The following RBM20 variants were observed in gnomAD, a reference collection of about 807,000 sequenced individuals.
RBM20 encodes RNA binding motif protein 20.
Under a neutral mutation model 110.1 loss-of-function variants are expected in RBM20, and 51 were observed. The observed-to-expected ratio is 0.46, with a 90% CI of 0.37 to 0.59. The LOEUF is 0.59. Among genes scored for constraint, RBM20 ranks in the 20% least tolerant of loss-of-function variants. RBM20 has a pLI of 0.00. For synonymous variants in RBM20, 589 were observed against 618.2 expected, an observed-to-expected ratio of 0.95 and a Z score of 0.70; for missense variants, 1,512 against 1,574.9, an observed-to-expected ratio of 0.96 and a Z score of 0.68.
intron 1 of RBM20, among the ~76,000 whole-genome samples, chr10:110,664,729 A>G (rs1053763996): frequency 2.0e-5 from 3 of 152,202 alleles, no homozygotes; most frequent in Non-Finnish European, 2.9e-5. Context: ...CCTGGGCAAC[A>G]GAGTGAGACT....
At chr10:110,812,130 A>C in intron 8 of RBM20, 148 bp from the exon 9 acceptor site, 1 of 755,502 alleles carries the variant, frequency 1.3e-6, no homozygotes, top group South Asian at 1.9e-5. Context: ...CTCCTGAACC[A>C]CTCTGTGTGG....
At chr10:110,797,782 C>A in intron 6 of RBM20, 134 bp downstream of exon 6, 1 of 922,208 alleles carries the variant, frequency 1.1e-6, no homozygotes, top group Non-Finnish European at 1.6e-6. Context: ...GTTGGCATGG[C>A]GTAGGTGTTT....
chr10:110,760,903 A>G (rs1485989269), intron 1 of RBM20, among the ~76,000 whole-genome samples: 1 of 150,692 alleles, frequency 6.6e-6, no homozygotes, highest in Non-Finnish European at 1.5e-5. Flanking sequence ...ACCAGCCTGG[A>G]CAATATGGTG....
At chr10:110,694,492 C>T (rs2134881616) in intron 1 of RBM20, among the ~76,000 whole-genome samples, 1 of 152,270 alleles carries the variant, frequency 6.6e-6, no homozygotes, top group Non-Finnish European at 1.5e-5. Flanking sequence ...CCTTGGAAAC[C>T]TTCCAGAATT....
At chr10:110,830,304 G>A (rs1013775973) in intron 12 of RBM20, among the ~76,000 whole-genome samples, 2 of 152,164 alleles carry the variant, frequency 1.3e-5, no homozygotes, top group Non-Finnish European at 1.5e-5. Context: ...CCTCTCTGGC[G>A]GTGGTGCCAG....
chr10:110,767,907 G>A (rs1016237647), intron 1 of RBM20, among the ~76,000 whole-genome samples: 1 of 152,250 alleles, frequency 6.6e-6, no homozygotes, highest in African/African-American at 2.4e-5. Context: ...GTAGCCAGCC[G>A]AGATCACGCC....
At chr10:110,675,484 T>C (rs1862326598) in intron 1 of RBM20, among the ~76,000 whole-genome samples, 1 of 152,192 alleles carries the variant, frequency 6.6e-6, no homozygotes, top group African/African-American at 2.4e-5. Context: ...ATGGAACAGA[T>C]AACAATTGTT....
At chr10:110,835,765 C>A in intron 13 of RBM20, 103 bp from the exon 14 acceptor site, 1 of 1,210,560 alleles carries the variant, frequency 8.3e-7, no homozygotes, top group Non-Finnish European at 1.2e-6. Flanking sequence ...CAGCTGGGCA[C>A]AGATGCCAGG....
At chr10:110,753,326 T>A (rs1843882855) in intron 1 of RBM20, among the ~76,000 whole-genome samples, 1 of 152,198 alleles carries the variant, frequency 6.6e-6, no homozygotes, top group South Asian at 2.1e-4. Flanking sequence ...TAAAAATGTT[T>A]AACCACTCCC....
In RBM20 at chr10:110,812,845, G is replaced by C. The variant is rs1284670947; in HGVS notation, c.2448G>C (p.Glu816Asp). The C allele has an allele frequency of 2.0e-6, 3 of 1,525,668 alleles. No individual in the cohort carries two copies. The highest frequency in any genetic ancestry group is 2.6e-6 in the Non-Finnish European group (3 of 1,134,972). The allele number at this position is 1,525,668 out of a possible 1,614,324, so 94.5% of individuals were successfully genotyped here. A position where few individuals can be genotyped will look rare whatever the true frequency, so the allele number is the denominator to read the frequency against. Residue 816 changes from glutamate to aspartate, a missense_variant, in exon 9 of 14, where the codon GAG becomes GAC. Physicochemically the swap from Glu to Asp is conservative, Grantham distance 45. Around this residue, in one of 3 missense-constraint regions of RBM20, gnomAD observed 1,149 missense variants for 1,169.4 expected, o/e 0.98. Transcript: ENST00000369519. ...GLGPKVTRAP[E>D]GAKAKQNEKN... ...GGCCAAAGGTCACTAGGGCCCCTGA[G>C]GGCGCCAAGGCCAAGCAGAATGAGA...
intron 5 of RBM20, among the ~76,000 whole-genome samples, chr10:110,797,135 T>TA (rs1316768751): frequency 6.6e-6 from 1 of 152,134 alleles, no homozygotes; most frequent in Non-Finnish European, 1.5e-5. Flanking sequence ...TTACTGCTTA[T>TA]AAAAAACATT....
chr10:110,664,528 C>T (rs1031400547), intron 1 of RBM20, among the ~76,000 whole-genome samples: 1 of 152,124 alleles, frequency 6.6e-6, no homozygotes, highest in Non-Finnish European at 1.5e-5. Context: ...GGAGGAATCA[C>T]CTGAGGTCAG....
At chr10:110,767,727 G>A (rs559475790) in intron 1 of RBM20, among the ~76,000 whole-genome samples, 2 of 151,522 alleles carry the variant, frequency 1.3e-5, no homozygotes, top group South Asian at 4.2e-4. Flanking sequence ...CATCTCAGAC[G>A]ATGGGCGGCC....
Position 110,836,792 on chromosome 10 carries a change from G to A in RBM20, c.*814G>A, listed in dbSNP as rs868062268. 3 of 152,110 alleles carry A rather than the reference G, an allele frequency of 2.0e-5. No homozygotes were observed. Among genetic ancestry groups the A allele is most frequent in the Non-Finnish European group, 4.4e-5 (3 of 68,028 alleles). The allele number at this position is 152,110 out of a possible 1,614,324, so 9.4% of individuals were successfully genotyped here. On this transcript the variant is annotated 3_prime_UTR_variant, in exon 14 of 14. Coordinates refer to ENST00000369519, the MANE Select transcript of RBM20 (RefSeq NM_001134363.3). ...GAGATGTCAGGGTTTTTCTATTCTG[G>A]ACAATGAATTTGGTACAGAGTCACT...
In RBM20 at chr10:110,821,719, A is replaced by G. The variant is rs1223786058; in HGVS notation, c.3100A>G (p.Ser1034Gly). Residue 1034 changes from serine to glycine, a missense_variant, in exon 11 of 14, where the codon AGC becomes GGC. Around this residue, in one of 3 missense-constraint regions of RBM20, gnomAD observed 358 missense variants for 384.2 expected, o/e 0.93. Transcript: ENST00000369519. ...CGAGAAGGAGGCAAAGGGAGTGGAG[A>G]GCTCAGATGTTCATCCAGCCCCTAC... is the stretch of plus-strand genomic sequence containing the variant. The part of the protein sequence containing the change: ...CYEKEAKGVE[S>G]SDVHPAPTVQ... 1 of 1,551,726 alleles carries G rather than the reference A, an allele frequency of 6.4e-7. No homozygotes were observed. Among genetic ancestry groups the G allele is most frequent in the Non-Finnish European group, 8.7e-7 (1 of 1,146,996 alleles).
In RBM20 at chr10:110,764,561, C is replaced by T. The variant is rs192669835; in HGVS notation, c.192-16240C>T. Among the ~76,000 whole-genome samples, 527 of 152,358 alleles carry T rather than the reference C, an allele frequency of 3.5e-3. 3 individuals are homozygous for T. Among genetic ancestry groups the T allele is most frequent in the African/African-American group, 0.012 (491 of 41,590 alleles). ...AGGAATGGCTCCCGGTGGCATGTGACTGCCCTTCCAGGCGGGTATGCCGTG... is the reference window on the plus strand; with the variant it reads ...AGGAATGGCTCCCGGTGGCATGTGATTGCCCTTCCAGGCGGGTATGCCGTG... On this transcript the variant is annotated intron_variant, in intron 1 of 13. Transcript: ENST00000369519.
Position 110,762,058 on chromosome 10 carries a change from G to A in RBM20, c.192-18743G>A, listed in dbSNP as rs537234420. 3.9e-5 allele frequency among the ~76,000 whole-genome samples: 6 copies of A among 152,318 alleles called. No individual in the cohort carries two copies. In the East Asian group the frequency reaches 9.6e-4, roughly 24 times the overall value. ...CCCGTCCCTACTAAAAATACACCTT[G>A]TGTACTGGGAGGTGCTTTAGTGGAA... On this transcript the variant is annotated intron_variant, in intron 1 of 13. Transcript: ENST00000369519.
At chr10:110,658,013 A>T (rs944226024) in intron 1 of RBM20, among the ~76,000 whole-genome samples, 5 of 151,960 alleles carry the variant, frequency 3.3e-5, no homozygotes, top group Admixed American at 6.5e-5. Flanking sequence ...AGAATCAATC[A>T]CTCATTAGTT....
Position 110,821,282 on chromosome 10 carries a change from A to G in RBM20, c.2663A>G (p.Asp888Gly). The change falls in exon 11 of 14, where the codon GAT becomes GGT. Residue 888 changes from aspartate (D) to glycine (G), a missense_variant. This residue lies in a region of RBM20 where 1,149 missense variants were observed against 1,169.4 expected (regional missense o/e 0.98). Transcript: ENST00000369519. Reference sequence around the variant, plus strand: ...TTCTGCATTTTTGTACAGGAACAAGATTGGGAGAGTGAAAGTGAGGCAGAG... The same window carrying G: ...TTCTGCATTTTTGTACAGGAACAAGGTTGGGAGAGTGAAAGTGAGGCAGAG... ...PENTRTKKEQ[D>G]WESESEAEGE... 1 of 1,551,064 alleles carries G rather than the reference A, an allele frequency of 6.4e-7. No individual in the cohort carries two copies. Among genetic ancestry groups the G allele is most frequent in the Non-Finnish European group, 8.7e-7 (1 of 1,146,522 alleles).
Sources: gnomAD v4.1 joint callset for allele counts (sites outside exome capture counted in the v4.1 genomes callset) on GRCh38, gnomAD v4.1.1 for gene constraint, gnomAD v4.1.1 regional missense constraint, MANE v1.5 for transcripts, NCBI Gene and HGNC (gene_info 2026-07-23, HGNC 2026-07-21) for gene names.